The following DLGAP2 variants were observed in gnomAD, a reference collection of about 807,000 sequenced individuals.
DLGAP2 encodes DLG associated protein 2, also known as disks large-associated protein 2.
Under a neutral mutation model 100.3 loss-of-function variants are expected in DLGAP2, and 26 were observed. That is an observed-to-expected ratio of 0.26 (90% CI 0.19 to 0.36). The LOEUF (loss-of-function observed/expected upper bound fraction) is 0.36. Among genes scored for constraint, DLGAP2 ranks in the 10% least tolerant of loss-of-function variants. The pLI is 1.00. For synonymous variants in DLGAP2, 886 were observed against 630.1 expected, an observed-to-expected ratio of 1.41 and a Z score of -6.08; for missense variants, 1,858 against 1,453.2, an observed-to-expected ratio of 1.28 and a Z score of -4.53.
chr8:1,330,133 G>C (rs1327009008), intron 3 of DLGAP2, among the ~76,000 whole-genome samples: 1 of 152,200 alleles, frequency 6.6e-6, no homozygotes, highest in Non-Finnish European at 1.5e-5. Flanking sequence ...GTGTGGCTGT[G>C]GGAGTGAGGA....
At chr8:1,524,400 C>T (rs2130431063) in intron 4 of DLGAP2, among the ~76,000 whole-genome samples, 1 of 152,298 alleles carries the variant, frequency 6.6e-6, no homozygotes, top group Middle Eastern at 3.4e-3. Flanking sequence ...GCGTTGTTTG[C>T]AGAACTGAAA....
intron 2 of DLGAP2, among the ~76,000 whole-genome samples, chr8:1,118,589 A>G (rs944269202): frequency 7.1e-6 from 1 of 141,414 alleles, no homozygotes; most frequent in African/African-American, 2.6e-5. Context: ...AATCAGTAGA[A>G]ATGGAATTCT....
At chr8:1,565,988 C>A (rs1046334437) in intron 6 of DLGAP2, 94 bp downstream of exon 6, 4 of 1,080,818 alleles carry the variant, frequency 3.7e-6, no homozygotes, top group African/African-American at 3.2e-5. Context: ...TGAGTGCCAT[C>A]CATTTAAACT....
At chr8:1,465,269 T>A (rs1798593347) in intron 3 of DLGAP2, among the ~76,000 whole-genome samples, 1 of 152,158 alleles carries the variant, frequency 6.6e-6, no homozygotes, top group South Asian at 2.1e-4. Flanking sequence ...CTCCCGAAAC[T>A]CTGGGAAGCA....
At chr8:892,430 G>A (rs1318322005) in intron 1 of DLGAP2, among the ~76,000 whole-genome samples, 2 of 152,180 alleles carry the variant, frequency 1.3e-5, no homozygotes, top group Admixed American at 6.5e-5. Flanking sequence ...ACTATGCTGA[G>A]TGGAATAAGC....
chr8:999,295 C>A (rs545163083), intron 2 of DLGAP2, among the ~76,000 whole-genome samples: 1 of 151,644 alleles, frequency 6.6e-6, no homozygotes, highest in Non-Finnish European at 1.5e-5. Context: ...GTGCCTGTGA[C>A]CCTTCCTGTG....
intron 2 of DLGAP2, among the ~76,000 whole-genome samples, chr8:1,048,377 T>A (rs1802573942): frequency 6.6e-6 from 1 of 152,042 alleles, no homozygotes; most frequent in Non-Finnish European, 1.5e-5. Context: ...GCTACTTCAG[T>A]TATTAGGGCC....
intron 8 of DLGAP2, among the ~76,000 whole-genome samples, chr8:1,653,550 C>T (rs1229917895): frequency 2.0e-5 from 3 of 152,190 alleles, no homozygotes; most frequent in Admixed American, 6.5e-5. Flanking sequence ...TGCAAGGAGC[C>T]CTGATTTATT....
chr8:1,321,591 G>A (rs1412600013), intron 3 of DLGAP2, among the ~76,000 whole-genome samples: 1 of 152,222 alleles, frequency 6.6e-6, no homozygotes, highest in East Asian at 1.9e-4. Context: ...GAATTCAGCG[G>A]ATAATTGCTT....
chr8:1,595,857 A>T (rs1427023719), intron 6 of DLGAP2, among the ~76,000 whole-genome samples: 1 of 150,486 alleles, frequency 6.6e-6, no homozygotes, highest in Non-Finnish European at 1.5e-5. Context: ...TCTTTTTTTA[A>T]TAGTAATTTT....
At chr8:750,249 C>T (rs1387744160) in intron 1 of DLGAP2, among the ~76,000 whole-genome samples, 2 of 152,246 alleles carry the variant, frequency 1.3e-5, no homozygotes, top group East Asian at 3.9e-4. Flanking sequence ...CCCGTGGGCA[C>T]TGGCCGTGCC....
Position 1,310,513 on chromosome 8 carries a change from G to A in DLGAP2, c.106+51630G>A, listed in dbSNP as rs964652236. Among the ~76,000 whole-genome samples the A allele has an allele frequency of 2.0e-5, 3 of 152,312 alleles. No homozygotes were observed. In the East Asian group the frequency reaches 5.8e-4, roughly 29 times the overall value. ...GGGGTTTGGACGGACACGTACAGAA[G>A]CATCCACCTGACAACAGTGGAAATA... On this transcript the variant is annotated intron_variant, in intron 3 of 14. Transcript: ENST00000637795.
intron 3 of DLGAP2, among the ~76,000 whole-genome samples, chr8:1,499,262 T>A (rs2130313272): frequency 6.6e-6 from 1 of 152,360 alleles, no homozygotes; most frequent in East Asian, 1.9e-4. Context: ...GGAGTGCTCA[T>A]GCTTGTCATT....
At chr8:1,335,776 C>T (rs975024654) in intron 3 of DLGAP2, among the ~76,000 whole-genome samples, 1 of 152,236 alleles carries the variant, frequency 6.6e-6, no homozygotes, top group African/African-American at 2.4e-5. Flanking sequence ...TTATGTCCTT[C>T]CTTGTTCCAG....
At chr8:1,083,443 A>T (rs1004094351) in intron 2 of DLGAP2, among the ~76,000 whole-genome samples, 2 of 152,200 alleles carry the variant, frequency 1.3e-5, no homozygotes, top group Non-Finnish European at 2.9e-5. Flanking sequence ...GTTTGAAGTC[A>T]TTTTAACTTT....
chr8:1,568,882 C>T (rs568879540), intron 6 of DLGAP2, among the ~76,000 whole-genome samples: 2 of 71,354 alleles, frequency 2.8e-5, no homozygotes, highest in East Asian at 8.2e-4. Flanking sequence ...GACACAAATC[C>T]ATCTCTGCCT....
At chr8:922,297 G>C (rs1205293599) in intron 2 of DLGAP2, among the ~76,000 whole-genome samples, 1 of 152,206 alleles carries the variant, frequency 6.6e-6, no homozygotes, top group African/African-American at 2.4e-5. Flanking sequence ...CTGAGAGAGA[G>C]AGGTGCTAAT....
At chr8:1,241,612 C>G (rs1165343396) in intron 2 of DLGAP2, among the ~76,000 whole-genome samples, 1 of 152,196 alleles carries the variant, frequency 6.6e-6, no homozygotes, top group Non-Finnish European at 1.5e-5. Flanking sequence ...ACTTTTCACT[C>G]CACACTGGTC....
intron 12 of DLGAP2, among the ~76,000 whole-genome samples, chr8:1,684,359 T>A (rs4507794): frequency 6.6e-6 from 1 of 151,984 alleles, no homozygotes; most frequent in Non-Finnish European, 1.5e-5. Context: ...AGTTCAGATA[T>A]TTCCCTAAAT....
Sources: allele counts gnomAD v4.1 joint callset (sites outside exome capture counted in the v4.1 genomes callset), GRCh38; gene constraint gnomAD v4.1.1; transcripts MANE v1.5; gene names NCBI Gene and HGNC (gene_info 2026-07-23, HGNC 2026-07-21).